CCDC7: variants seen among roughly 807,000 people sequenced by gnomAD.
CCDC7 encodes the protein coiled-coil domain-containing protein 7.
A neutral mutation model predicts 196.9 loss-of-function variants in CCDC7; 183 were observed. The observed-to-expected ratio is 0.93, with a 90% CI of 0.82 to 1.05. CCDC7 has a LOEUF of 1.05. CCDC7 is among the 50% of genes least tolerant of loss of function. The pLI is 0.00. For missense variants in CCDC7, 1,540 were observed against 1,482.2 expected, an observed-to-expected ratio of 1.04 and a Z score of -0.64; for synonymous variants, 525 against 484.6, an observed-to-expected ratio of 1.08 and a Z score of -1.10.
intron 18 of CCDC7, among the ~76,000 whole-genome samples, chr10:32,617,262 G>C (rs1198678169): frequency 1.3e-5 from 2 of 151,382 alleles, no homozygotes; most frequent in Non-Finnish European, 3.0e-5. Flanking sequence ...TTGATTATTT[G>C]TGTTTTATTT....
intron 21 of CCDC7, among the ~76,000 whole-genome samples, chr10:32,676,082 A>G (rs918620941): frequency 5.3e-5 from 8 of 151,234 alleles, no homozygotes; most frequent in African/African-American, 1.5e-4. Context: ...ATAACGCCAC[A>G]TATCTACAAC....
intron 11 of CCDC7, among the ~76,000 whole-genome samples, chr10:32,532,226 T>A (rs2049791439): frequency 6.6e-6 from 1 of 152,296 alleles, no homozygotes; most frequent in East Asian, 1.9e-4. Flanking sequence ...AACTTTGGTA[T>A]GTTGTATTCC....
upstream of CCDC7, among the ~76,000 whole-genome samples, chr10:32,443,632 A>C (rs567395119): frequency 3.3e-5 from 5 of 152,228 alleles, no homozygotes; most frequent in South Asian, 1.0e-3. Context: ...ATATATGTGG[A>C]TATATTTCTT....
intron 24 of CCDC7, among the ~76,000 whole-genome samples, chr10:32,710,289 G>A (rs557903106): frequency 3.3e-5 from 5 of 152,302 alleles, no homozygotes; most frequent in African/African-American, 1.2e-4. Flanking sequence ...TTTAAACCAT[G>A]AGTCTCAATC....
exon 3 of CCDC7, chr10:32,456,277 G>C (rs1450703043): frequency 6.4e-7 from 1 of 1,567,530 alleles, no homozygotes; most frequent in East Asian, 2.3e-5. Context: ...ATTCATTCTT[G>C]ACATATTGTT....
chr10:32,829,277 T>C (rs765713623), intron 32 of CCDC7, among the ~76,000 whole-genome samples: 17 of 152,172 alleles, frequency 1.1e-4, no homozygotes, highest in Non-Finnish European at 1.6e-4. Context: ...AAAAATTTCA[T>C]AGCCTGCTGA....
At chr10:32,602,382 C>T (rs1282515627) in intron 18 of CCDC7, among the ~76,000 whole-genome samples, 4 of 152,234 alleles carry the variant, frequency 2.6e-5, no homozygotes, top group East Asian at 3.9e-4. Context: ...TTGAAGTCAG[C>T]GAGACCAAGG....
intron 15 of CCDC7, among the ~76,000 whole-genome samples, chr10:32,571,211 G>A (rs528936599): frequency 7.2e-5 from 11 of 152,164 alleles, no homozygotes; most frequent in African/African-American, 2.4e-4. Context: ...GTTTCACCAT[G>A]TTGGCCATGG....
At chr10:32,481,925 C>T (rs995430561) in intron 8 of CCDC7, 2 of 152,090 alleles carry the variant, frequency 1.3e-5, no homozygotes, top group African/African-American at 4.8e-5. Context: ...TTGTTGCTTT[C>T]AAGATTCTCT....
chr10:32,716,698 G>T (rs1218454816), intron 25 of CCDC7, among the ~76,000 whole-genome samples: 1 of 152,118 alleles, frequency 6.6e-6, no homozygotes, highest in African/African-American at 2.4e-5. Flanking sequence ...ATGGGATGGA[G>T]GAATATTTAC....
intron 31 of CCDC7, among the ~76,000 whole-genome samples, chr10:32,819,563 C>T (rs1447107392): frequency 6.6e-6 from 1 of 152,104 alleles, no homozygotes; most frequent in East Asian, 1.9e-4. Flanking sequence ...TGCAAAAATC[C>T]TCAATAAAAT....
intron 24 of CCDC7, among the ~76,000 whole-genome samples, chr10:32,700,250 T>A (rs938202091): frequency 4.7e-5 from 7 of 149,610 alleles, no homozygotes; most frequent in African/African-American, 1.8e-4. Flanking sequence ...AAGGAAGGGA[T>A]CCAGATTCAG....
In CCDC7 at chr10:32,651,562, CG is replaced by C. The variant is rs79122440; in HGVS notation, c.2015-12490del. ...TTATTTTGGAGAATAAACTGGAGAG[CG>C]GTTTCTGGAGGATTTCGGGCAGGAG... On this transcript the variant is annotated intron_variant, in intron 20 of 41. Transcript: ENST00000639629. 2.0e-3 allele frequency among the ~76,000 whole-genome samples: 300 copies of C among 152,122 alleles called. 6 individuals carry two copies. The East Asian group carries it at 0.043, about 22-fold the overall frequency.
chr10:32,736,373 T>G (rs141467736), intron 28 of CCDC7, among the ~76,000 whole-genome samples: 1 of 152,166 alleles, frequency 6.6e-6, no homozygotes, highest in East Asian at 1.9e-4. Flanking sequence ...CCTTTTTTTG[T>G]GGTTAATATT....
At chr10:32,809,921 A>G (rs1295146831) in intron 30 of CCDC7, among the ~76,000 whole-genome samples, 1 of 91,628 alleles carries the variant, frequency 1.1e-5, no homozygotes, top group East Asian at 3.2e-4. Context: ...ATAAAGACAC[A>G]TGCACGCATA....
intron 9 of CCDC7, chr10:32,514,285 T>C (rs1301605289): frequency 6.6e-6 from 1 of 152,214 alleles, no homozygotes; most frequent in East Asian, 1.9e-4. Context: ...ATTCCCGATA[T>C]TATTAGTTGA....
In CCDC7 at chr10:32,537,201, G is replaced by C. The variant is rs576484689; in HGVS notation, c.994-6099G>C. Among the ~76,000 whole-genome samples the C allele has an allele frequency of 4.6e-5, 7 of 152,230 alleles. No individual in the cohort carries two copies. In the South Asian group the frequency reaches 1.2e-3, roughly 27 times the overall value. ...TTTTTAATAATTGGCATTCTGACTGGTATGAGATGGTATTTTATTATAGTT... is the reference window on the plus strand; with the variant it reads ...TTTTTAATAATTGGCATTCTGACTGCTATGAGATGGTATTTTATTATAGTT... On this transcript the variant is annotated intron_variant, in intron 11 of 41. Coordinates refer to ENST00000639629, the Ensembl canonical transcript of CCDC7.
At chr10:32,443,994 A>G (rs2030467629), upstream of CCDC7, among the ~76,000 whole-genome samples, 1 of 152,152 alleles carries the variant, frequency 6.6e-6, no homozygotes, top group African/African-American at 2.4e-5. Context: ...CAGTAATGTT[A>G]TATAGTTTTC....
chr10:32,702,113 G>A (rs2141565601), intron 24 of CCDC7, among the ~76,000 whole-genome samples: 1 of 152,146 alleles, frequency 6.6e-6, no homozygotes, highest in East Asian at 1.9e-4. Context: ...TGTGATGTTA[G>A]GGTGTCCATT....
Sources: allele counts gnomAD v4.1 joint callset (sites outside exome capture counted in the v4.1 genomes callset), GRCh38; gene constraint gnomAD v4.1.1; transcripts MANE v1.5; gene names NCBI Gene and HGNC (gene_info 2026-07-23, HGNC 2026-07-21).